ST6GALNAC1: variants seen among roughly 807,000 people sequenced by gnomAD.
The protein encoded by ST6GALNAC1 is ST6 N-acetylgalactosaminide alpha-2,6-sialyltransferase 1.
In ST6GALNAC1, 45 loss-of-function variants were observed where a neutral mutation model predicts 56.8. The observed-to-expected ratio is 0.79, with a 90% CI of 0.62 to 1.02. The LOEUF (loss-of-function observed/expected upper bound fraction) is 1.02, where lower values mean the gene tolerates loss of function less well. Among genes scored for constraint, ST6GALNAC1 ranks in the 50% least tolerant of loss-of-function variants. ST6GALNAC1 has a pLI of 0.00. For missense variants in ST6GALNAC1, 743 were observed against 754.8 expected (o/e 0.98, Z 0.18); for synonymous variants, 295 against 297.8 (o/e 0.99, Z 0.10).
the ST6GALNAC1 span, among the ~76,000 whole-genome samples, chr17:76,617,410 T>C: frequency 6.6e-6 from 1 of 152,186 alleles, no homozygotes; most frequent in East Asian, 1.9e-4. Flanking sequence ...CACGTCCATA[T>C]GTCCACAAAT....
At chr17:76,642,198 ATC>A (rs773999391) in intron 1 of ST6GALNAC1, among the ~76,000 whole-genome samples, 25 of 138,046 alleles carry the variant, frequency 1.8e-4, no homozygotes, top group Admixed American at 2.8e-4. Context: ...CTATCTCTCT[ATC>A]TCTCTCTCTC....
intron 1 of ST6GALNAC1, among the ~76,000 whole-genome samples, chr17:76,636,677 G>A (rs914876690): frequency 2.1e-5 from 3 of 145,404 alleles, no homozygotes; most frequent in African/African-American, 5.4e-5. Context: ...CCCAGCCGCC[G>A]CCCCGTCTGG....
At chr17:76,642,945 G>A (rs986562576) in intron 1 of ST6GALNAC1, among the ~76,000 whole-genome samples, 3 of 150,150 alleles carry the variant, frequency 2.0e-5, no homozygotes, top group African/African-American at 7.4e-5. Flanking sequence ...AAAAAAAAGA[G>A]GGCCTCTCAC....
At chr17:76,640,929 A>C (rs559035269) in intron 1 of ST6GALNAC1, among the ~76,000 whole-genome samples, 2 of 152,340 alleles carry the variant, frequency 1.3e-5, no homozygotes, top group Admixed American at 1.3e-4. Flanking sequence ...TGTAAAAAAA[A>C]CCCAATTCCC....
chr17:76,620,062 A>G (rs148755168), downstream of ST6GALNAC1, among the ~76,000 whole-genome samples: 697 of 144,998 alleles, frequency 4.8e-3, 9 homozygotes, highest in African/African-American at 0.017. Context: ...AATTTTTTAT[A>G]CAGAGTCTTG....
At chr17:76,624,555 T>C (rs1874540704), downstream of ST6GALNAC1, among the ~76,000 whole-genome samples, 1 of 152,134 alleles carries the variant, frequency 6.6e-6, no homozygotes, top group South Asian at 2.1e-4. Context: ...CTTTATTCTG[T>C]TTAGAGTTGT....
At chr17:76,639,796 G>A (rs1279298346) in intron 1 of ST6GALNAC1, among the ~76,000 whole-genome samples, 2 of 151,548 alleles carry the variant, frequency 1.3e-5, no homozygotes, top group African/African-American at 2.4e-5. Context: ...GGTGGGAGAC[G>A]TGGGGGATGA....
chr17:76,626,773 T>G lies in ST6GALNAC1; in HGVS notation c.1189A>C (p.Ile397Leu), dbSNP rs755296946. The part of the protein sequence containing the change: ...DYVFRLSGAL[I>L]KGYEQDVGTR... ...CCCACATCCTGTTCGTAGCCTTTAA[T>G]GAGAGCTCCGCTCAATCTGTGCAGA... Residue 397 changes from isoleucine (I) to leucine (L), a missense_variant, in exon 5 of 9, where the codon ATT becomes CTT. By Grantham distance (5) the Ile-to-Leu change is conservative. Coordinates refer to ENST00000156626, the MANE Select transcript of ST6GALNAC1 (RefSeq NM_018414.5). 6.2e-7 allele frequency: 1 copy of G among 1,614,170 alleles called. No homozygotes were observed. Among genetic ancestry groups the G allele is most frequent in the East Asian group, 2.2e-5 (1 of 44,880 alleles).
chr17:76,625,289 C>A lies in ST6GALNAC1; in HGVS notation c.*41G>T. 6.3e-7 allele frequency: 1 copy of A among 1,599,028 alleles called. No homozygotes were observed. The highest frequency in any genetic ancestry group is 8.5e-7 in the Non-Finnish European group (1 of 1,172,822). On this transcript the variant is annotated 3_prime_UTR_variant, in exon 9 of 9. Coordinates refer to ENST00000156626, the MANE Select transcript of ST6GALNAC1 (RefSeq NM_018414.5). ...CTCAAGATTCCCACTGTATCCTGTGCCTTGGAGCAGGCAAGGAGACCATGG... is the reference window on the plus strand; with the variant it reads ...CTCAAGATTCCCACTGTATCCTGTGACTTGGAGCAGGCAAGGAGACCATGG...
At position 76,627,052 on chromosome 17, in the gene ST6GALNAC1, G is replaced by A. The variant is rs2075811175; in HGVS notation, c.1172+15C>T. Reference sequence around the variant, plus strand: ...GAGAGGGGCTGGAGAGGGAGCTTGGGTGGGGACAGCTTACCGGAACACGTA... The same window carrying A: ...GAGAGGGGCTGGAGAGGGAGCTTGGATGGGGACAGCTTACCGGAACACGTA... On this transcript the variant is annotated intron_variant, in intron 4 of 8. Coordinates refer to ENST00000156626, the MANE Select transcript of ST6GALNAC1 (RefSeq NM_018414.5). The surrounding 1 kb of genome is among the most constrained non-coding windows in gnomAD (Gnocchi z 4.4). 1.3e-6 allele frequency: 2 copies of A among 1,536,262 alleles called. No individual in the cohort carries two copies. Among genetic ancestry groups the A allele is most frequent in the Non-Finnish European group, 1.8e-6 (2 of 1,141,540 alleles).
rs139116232 is a variant in ST6GALNAC1 at position 76,636,252 on chromosome 17, A to G, written c.132-6541T>C. On this transcript the variant is annotated intron_variant, in intron 1 of 8. Transcript: ENST00000156626. ...TTGTTTCCCTCTCCACCCCACCCCC[A>G]TACCTCCAGCAGTTAAGATTTGGTT... 3.2e-4 allele frequency among the ~76,000 whole-genome samples: 48 copies of G among 152,176 alleles called. 1 individual carries two copies. The South Asian group carries it at 9.3e-3, about 30-fold the overall frequency.
rs190507476 is a variant in ST6GALNAC1, at chr17:76,629,583, T to C, written c.260A>G (p.Asn87Ser). The part of the protein sequence containing the change: ...AEPVPENNAL[N>S]TQTQPKAHTT... The stretch of plus-strand genomic sequence containing the variant: ...GTGGGCCTTGGGCTGGGTTTGTGTG[T>C]TGAGGGCATTGTTCTCTGGCACTGG... The change falls in exon 2 of 9, where the codon AAC (asparagine) becomes AGC (serine). Residue 87 changes from asparagine to serine, a missense_variant. Transcript: ENST00000156626. 1.9e-5 allele frequency: 30 copies of C among 1,614,010 alleles called. No individual in the cohort carries two copies. In the East Asian group the frequency reaches 6.5e-4, roughly 35 times the overall value.
chr17:76,631,092 TGTGTGC>T (rs1202092588), intron 1 of ST6GALNAC1, among the ~76,000 whole-genome samples: 14 of 128,582 alleles, frequency 1.1e-4, no homozygotes, highest in South Asian at 2.4e-4. Context: ...TGTGTGTGTG[TGTGTGC>T]ACGCGTGCGC....
rs1217304164 is a variant in ST6GALNAC1 at position 76,629,724 on chromosome 17, A to G, written c.132-13T>C. On this transcript the variant is annotated splice_polypyrimidine_tract_variant and intron_variant, in intron 1 of 8. Coordinates refer to ENST00000156626, the MANE Select transcript of ST6GALNAC1 (RefSeq NM_018414.5). Reference sequence around the variant, plus strand: ...TGTGCGTTGATGCCTAGGGACAGAGATAACCTTTGATGAAGGCTGAAGATT... The same window carrying G: ...TGTGCGTTGATGCCTAGGGACAGAGGTAACCTTTGATGAAGGCTGAAGATT... The G allele has an allele frequency of 1.3e-6, 2 of 1,596,558 alleles. No individual in the cohort carries two copies. The highest frequency in any genetic ancestry group is 1.7e-5 in the Admixed American group (1 of 59,384).
chr17:76,622,725 T>C (rs2075754062), downstream of ST6GALNAC1, among the ~76,000 whole-genome samples: 1 of 152,142 alleles, frequency 6.6e-6, no homozygotes, highest in Non-Finnish European at 1.5e-5. Context: ...TTGTGAGTCC[T>C]AGTTAGAAAT....
rs200671449 is a variant in ST6GALNAC1, at chr17:76,629,520, G to A, written c.323C>T (p.Pro108Leu). Residue 108 changes from proline (P) to leucine (L), a missense_variant, in exon 2 of 9, where the codon CCG (proline) becomes CTG (leucine). Transcript: ENST00000156626. ...GDRGKEANQAPPEEQDKVPHT... is the reference protein window; with the variant it reads ...GDRGKEANQALPEEQDKVPHT... ...GGGCACCTTGTCCTGCTCCTCCGGC[G>A]GTGCCTGGTTGGCCTCCTTTCCTCT... The A allele has an allele frequency of 1.5e-4, 249 of 1,613,994 alleles. No homozygotes were observed. Among genetic ancestry groups the A allele is most frequent in the Non-Finnish European group, 1.8e-4 (218 of 1,180,012 alleles).
In ST6GALNAC1 at chr17:76,626,015, A is replaced by C. The variant is rs142980817; in HGVS notation, c.1496T>G (p.Met499Arg). The change falls in exon 7 of 9, where the codon ATG becomes AGG. Residue 499 changes from methionine (M) to arginine (R), a missense_variant. Met to Arg is a moderately conservative substitution (Grantham distance 91). Coordinates refer to ENST00000156626, the MANE Select transcript of ST6GALNAC1 (RefSeq NM_018414.5). ...LLLHPDFLRYMKNRFLRSKTL... is the reference protein window; with the variant it reads ...LLLHPDFLRYRKNRFLRSKTL... ...TGCTTTCTGCTCTAACCTGTTCTTCATGTATCGGAGAAAGTCTGGGTGCAG... is the reference window on the plus strand; with the variant it reads ...TGCTTTCTGCTCTAACCTGTTCTTCCTGTATCGGAGAAAGTCTGGGTGCAG... The C allele has an allele frequency of 1.2e-6, 2 of 1,613,996 alleles. No homozygotes were observed. The highest frequency in any genetic ancestry group is 2.7e-5 in the African/African-American group (2 of 74,918).
intron 5 of ST6GALNAC1, 66 bp from the exon 6 acceptor site, chr17:76,626,458 A>T: frequency 6.4e-7 from 1 of 1,552,484 alleles, no homozygotes; most frequent in Non-Finnish European, 8.9e-7. Flanking sequence ...AGGGTGGCCC[A>T]GCTCTGACTC....
intron 1 of ST6GALNAC1, among the ~76,000 whole-genome samples, chr17:76,631,404 T>C (rs1027887106): frequency 7.2e-5 from 11 of 152,178 alleles, no homozygotes; most frequent in African/African-American, 2.7e-4. Flanking sequence ...AAAAGGCTAA[T>C]GGGCTTCAAA....
Sources: allele counts gnomAD v4.1 joint callset (sites outside exome capture counted in the v4.1 genomes callset), GRCh38; gene constraint gnomAD v4.1.1; non-coding constraint Gnocchi (gnomAD v3.1); transcripts MANE v1.5; gene names NCBI Gene and HGNC (gene_info 2026-07-23, HGNC 2026-07-21).